The following CPD variants were observed in gnomAD, a reference collection of about 807,000 sequenced individuals.
The protein encoded by CPD is carboxypeptidase D, also known as metallocarboxypeptidase D.
Under a neutral mutation model 138.3 loss-of-function variants are expected in CPD, and 69 were observed. That is an observed-to-expected ratio of 0.50 (90% CI 0.41 to 0.61). The LOEUF (loss-of-function observed/expected upper bound fraction) is 0.61, where lower values mean the gene tolerates loss of function less well. Ranked by LOEUF, CPD falls within the 20% of genes least tolerant of loss-of-function variation. The pLI, the probability that CPD is intolerant of heterozygous loss-of-function variation, is 0.00. For missense variants in CPD, 1,432 were observed against 1,733.3 expected (o/e 0.83, Z 3.09); for synonymous variants, 651 against 642.1 (o/e 1.01, Z -0.21).
intron 2 of CPD, 79 bp downstream of exon 2, chr17:30,385,315 G>A (rs1166931719): frequency 6.8e-7 from 1 of 1,477,916 alleles, no homozygotes; most frequent in Non-Finnish European, 9.1e-7. Context: ...CAAAAAAGAA[G>A]AAACTCTGTA....
At chr17:30,396,626 C>G (rs998308450) in intron 2 of CPD, among the ~76,000 whole-genome samples, 1 of 152,102 alleles carries the variant, frequency 6.6e-6, no homozygotes, top group African/African-American at 2.4e-5. Flanking sequence ...TGCTACAAAT[C>G]GATTGAAAGA....
At chr17:30,442,480 T>C in intron 10 of CPD, 30 bp downstream of exon 10, 1 of 1,602,046 alleles carries the variant, frequency 6.2e-7, no homozygotes, top group Non-Finnish European at 8.5e-7. Context: ...GTATGAAATT[T>C]CTCCCGAGGG....
intron 17 of CPD, among the ~76,000 whole-genome samples, chr17:30,458,707 A>G (rs902244542): frequency 2.6e-5 from 4 of 152,122 alleles, no homozygotes; most frequent in Admixed American, 6.5e-5. Context: ...TATACTAAAA[A>G]TACAAACATT....
In CPD at chr17:30,464,905, T is replaced by A; in HGVS notation, c.*91T>A. The A allele has an allele frequency of 4.0e-6, 4 of 1,007,870 alleles. No individual in the cohort carries two copies. The highest frequency in any genetic ancestry group is 6.1e-6 in the Non-Finnish European group (4 of 660,626). The allele number at this position is 1,007,870 out of a possible 1,614,324, so 62.4% of individuals were successfully genotyped here. On this transcript the variant is annotated 3_prime_UTR_variant, in exon 21 of 21. Transcript: ENST00000225719. The stretch of plus-strand genomic sequence containing the variant: ...ACTGCATTAAGAAGAGAGACTCTCT[T>A]GCTTCTTCAAAGAGCTTTGGGAAAT...
intron 2 of CPD, among the ~76,000 whole-genome samples, chr17:30,393,415 G>A (rs973912921): frequency 6.6e-6 from 1 of 152,088 alleles, no homozygotes; most frequent in Non-Finnish European, 1.5e-5. Flanking sequence ...TCATTAAATA[G>A]GATATTATGA....
At position 30,422,746 on chromosome 17, in the gene CPD, G is replaced by A. The variant is rs117331885; in HGVS notation, c.1380G>A (p.Arg460=). Residue 460 remains arginine (R), a synonymous_variant, in exon 5 of 21, where the codon AGG becomes AGA. Transcript: ENST00000225719. ...CCACAGAGGTGGATTTTTCTCTTAG[G>A]CCAACTGTAACTTCAGTAATCCCTG... ...GPATEVDFSL[R]PTVTSVIPDT... 11,445 of 1,613,858 alleles carry A rather than the reference G, an allele frequency of 7.1e-3. 57 individuals are homozygous for A. The highest frequency in any genetic ancestry group is 8.6e-3 in the Non-Finnish European group (10,185 of 1,179,910).
intron 2 of CPD, among the ~76,000 whole-genome samples, chr17:30,419,369 G>A (rs985254347): frequency 1.8e-4 from 27 of 152,098 alleles, no homozygotes; most frequent in African/African-American, 6.0e-4. Context: ...AGACAGAGTC[G>A]CACTCTGTTG....
At position 30,443,843 on chromosome 17, in the gene CPD, T is replaced by C. The variant is rs900586789; in HGVS notation, c.2415T>C (p.Asp805=). Residue 805 remains aspartate (D), a synonymous_variant, in exon 11 of 21, where the codon GAT becomes GAC. Transcript: ENST00000225719. ...GVRGFVLDAT[D]GRGILNATIS... The stretch of plus-strand genomic sequence containing the variant: ...GAGGATTTGTTCTAGATGCCACAGA[T>C]GGCAGGGGTATATTAAATGCCACCA... The C allele has an allele frequency of 6.2e-6, 10 of 1,613,734 alleles. No homozygotes were observed. In the Admixed American group the frequency reaches 1.5e-4, roughly 24 times the overall value.
chr17:30,414,733 T>C (rs1204532672), intron 2 of CPD, among the ~76,000 whole-genome samples: 1 of 152,204 alleles, frequency 6.6e-6, no homozygotes, highest in African/African-American at 2.4e-5. Flanking sequence ...ACACTTTGGA[T>C]ATAAAATGTG....
At chr17:30,401,167 T>C (rs1401198030) in intron 2 of CPD, among the ~76,000 whole-genome samples, 2 of 152,168 alleles carry the variant, frequency 1.3e-5, no homozygotes, top group Non-Finnish European at 2.9e-5. Context: ...ACATCATTTT[T>C]CTATGGCCAC....
At chr17:30,398,573 G>A (rs1911570832) in intron 2 of CPD, among the ~76,000 whole-genome samples, 1 of 151,966 alleles carries the variant, frequency 6.6e-6, no homozygotes, top group Non-Finnish European at 1.5e-5. Flanking sequence ...CCCTGTTTGG[G>A]TGAACTCTAG....
rs1392711819 is a variant in CPD, at chr17:30,468,635, A to G, written c.*3821A>G. ...TGTAATGAGGTCCTTTCTGTTTTTT[A>G]TATGTAAACAGATCTACTAATCCTG... is the stretch of plus-strand genomic sequence containing the variant. On this transcript the variant is annotated 3_prime_UTR_variant, in exon 21 of 21. Coordinates refer to ENST00000225719, the MANE Select transcript of CPD (RefSeq NM_001304.5). The G allele has an allele frequency of 1.3e-5, 2 of 152,612 alleles. No individual in the cohort carries two copies. The highest frequency in any genetic ancestry group is 1.3e-4 in the Admixed American group (2 of 15,280). The allele number at this position is 152,612 out of a possible 1,614,324, so 9.5% of individuals were successfully genotyped here.
chr17:30,447,891 A>G (rs1452454618), intron 12 of CPD, among the ~76,000 whole-genome samples: 3 of 152,182 alleles, frequency 2.0e-5, no homozygotes, highest in African/African-American at 4.8e-5. Context: ...GTTGATTCCT[A>G]TGGTTTGCCT....
In CPD at chr17:30,400,035, G is replaced by A. The variant is rs759822380; in HGVS notation, c.994+14799G>A. Among the ~76,000 whole-genome samples the A allele has an allele frequency of 2.6e-5, 4 of 152,244 alleles. No individual in the cohort carries two copies. The East Asian group carries it at 7.7e-4, about 29-fold the overall frequency. On this transcript the variant is annotated intron_variant, in intron 2 of 20. Coordinates refer to ENST00000225719, the MANE Select transcript of CPD (RefSeq NM_001304.5). ...AATAAGTAAATAAATTGTGTTTCTT[G>A]TAGTTGCATAGAGTTGGGCCTTGTT...
intron 2 of CPD, among the ~76,000 whole-genome samples, chr17:30,390,788 C>T (rs568647901): frequency 7.3e-5 from 11 of 151,682 alleles, no homozygotes; most frequent in Non-Finnish European, 1.3e-4. Context: ...TCCAAAGCCT[C>T]GTTATTGTGA....
intron 4 of CPD, among the ~76,000 whole-genome samples, chr17:30,422,214 C>T (rs1334131938): frequency 6.6e-6 from 1 of 152,126 alleles, no homozygotes; most frequent in Non-Finnish European, 1.5e-5. Context: ...TGGTTTCCCA[C>T]CTCCCCTGGA....
Position 30,462,356 on chromosome 17 carries a change from C to CT in CPD, c.3817-11dup, listed in dbSNP as rs1390225804. 1 of 1,600,730 alleles carries CT rather than the reference C, an allele frequency of 6.2e-7. No homozygotes were observed. Among genetic ancestry groups the CT allele is most frequent in the Non-Finnish European group, 8.6e-7 (1 of 1,168,400 alleles). On this transcript the variant is annotated splice_polypyrimidine_tract_variant and intron_variant, in intron 19 of 20. Coordinates refer to ENST00000225719, the MANE Select transcript of CPD (RefSeq NM_001304.5). ...AGCAGAATTTGTCATGATTCTTACACTTTCTCCTTCTAGGTCTTTGTGCAT... is the reference window on the plus strand; with the variant it reads ...AGCAGAATTTGTCATGATTCTTACACTTTTCTCCTTCTAGGTCTTTGTGCAT...
intron 2 of CPD, among the ~76,000 whole-genome samples, chr17:30,413,144 C>T (rs568318109): frequency 1.1e-4 from 16 of 152,264 alleles, no homozygotes; most frequent in African/African-American, 3.9e-4. Flanking sequence ...ATCCCTTACA[C>T]ACAACGACCA....
At chr17:30,410,976 G>A (rs1396185005) in intron 2 of CPD, among the ~76,000 whole-genome samples, 3 of 152,186 alleles carry the variant, frequency 2.0e-5, no homozygotes, top group Non-Finnish European at 4.4e-5. Context: ...AATTTGGCAT[G>A]TTTTTGCGGT....
Sources: allele counts gnomAD v4.1 joint callset (sites outside exome capture counted in the v4.1 genomes callset), GRCh38; gene constraint gnomAD v4.1.1; transcripts MANE v1.5; gene names NCBI Gene and HGNC (gene_info 2026-07-23, HGNC 2026-07-21).